TMEM25: variants seen among roughly 807,000 people sequenced by gnomAD.
The protein encoded by TMEM25 is 0610039J01Rik.
A neutral mutation model predicts 37.0 loss-of-function variants in TMEM25; 36 were observed. The observed-to-expected ratio is 0.97, with a 90% CI of 0.75 to 1.28. The LOEUF is 1.28. TMEM25 is among the 50% of genes most tolerant of loss of function. TMEM25 has a pLI of 0.00. For synonymous variants in TMEM25, 197 were observed against 203.7 expected (o/e 0.97, Z 0.28); for missense variants, 444 against 477.9 (o/e 0.93, Z 0.66).
At chr11:118,539,572 T>TGA (rs780642524), downstream of TMEM25, among the ~76,000 whole-genome samples, 8 of 152,188 alleles carry the variant, frequency 5.3e-5, no homozygotes, top group Admixed American at 1.3e-4. Context: ...TAATCTATTT[T>TGA]GAGTTGATTT....
At chr11:118,545,508 G>GA (rs782110838) in intron 8 of TMEM25, 1 of 1,597,982 alleles carries the variant, frequency 6.3e-7, no homozygotes, top group Admixed American at 1.7e-5. Flanking sequence ...AAACGAAGAA[G>GA]AACTTCCAGG....
chr11:118,542,137 C>T (rs142209382), intron 8 of TMEM25, among the ~76,000 whole-genome samples: 23 of 152,170 alleles, frequency 1.5e-4, no homozygotes, highest in African/African-American at 3.6e-4. Flanking sequence ...TTCTGGGGGC[C>T]GGGAAGTACA....
At chr11:118,537,115 T>C (rs497586), downstream of TMEM25, among the ~76,000 whole-genome samples, 7,445 of 151,696 alleles carry the variant, frequency 0.049, 587 homozygotes, top group African/African-American at 0.17. Flanking sequence ...CCGAGGCGGG[T>C]GGATTGCCTG....
In TMEM25 at chr11:118,534,503, G is replaced by T. The variant is rs373128179; in HGVS notation, c.1028-4G>T. Reference sequence around the variant, plus strand: ...AGTCCCCGCGGGCTTCTTTGATCCCGCAGGTTTCATCCGCCTCCCAGTGCT... The same window carrying T: ...AGTCCCCGCGGGCTTCTTTGATCCCTCAGGTTTCATCCGCCTCCCAGTGCT... On this transcript the variant is annotated splice_polypyrimidine_tract_variant and splice_region_variant and intron_variant, in intron 8 of 8. Transcript: ENST00000313236. This position sits in a 1 kb window ranked among gnomAD's most constrained non-coding sequence, Gnocchi z 4.6. 23 of 1,614,038 alleles carry T rather than the reference G, an allele frequency of 1.4e-5. No homozygotes were observed. The highest frequency in any genetic ancestry group is 6.7e-5 in the African/African-American group (5 of 74,934).
Position 118,545,592 on chromosome 11 carries a change from T to C in TMEM25, c.1028-527T>C, listed in dbSNP as rs1298912122. 4.4e-6 allele frequency: 5 copies of C among 1,147,304 alleles called. No individual in the cohort carries two copies. The East Asian group carries it at 1.2e-4, about 27-fold the overall frequency. The allele number at this position is 1,147,304 out of a possible 1,614,324, so 71.1% of individuals were successfully genotyped here. A position where few individuals can be genotyped will look rare whatever the true frequency, so the allele number is the denominator to read the frequency against. On this transcript the variant is annotated intron_variant, in intron 8 of 8. Transcript: ENST00000354284. ...AGGCAAAGCCCTGGCAGATGGGGTG[T>C]CGCTATGACTTTGGGGGTTAAATAC...
At position 118,545,251 on chromosome 11, in the gene TMEM25, T is replaced by C. The variant is rs1288972395; in HGVS notation, c.1028-868T>C. On this transcript the variant is annotated intron_variant, in intron 8 of 8. Coordinates refer to the TMEM25 transcript ENST00000354284. ...CTCCACTTTCCCCTTGAAAACTCCA[T>C]CCCTGCCTCCTTTGCTCTCCTAATT... 2.0e-5 allele frequency among the ~76,000 whole-genome samples: 3 copies of C among 152,030 alleles called. No homozygotes were observed. In the East Asian group the frequency reaches 5.8e-4, roughly 29 times the overall value.
chr11:118,545,992 T>C (rs1322004606), intron 8 of TMEM25: 3 of 741,424 alleles, frequency 4.0e-6, no homozygotes, highest in African/African-American at 3.5e-5. Flanking sequence ...AATTCAGATA[T>C]TGAGTTCCTA....
At chr11:118,533,377 G>C in intron 4 of TMEM25, 43 bp from the exon 5 acceptor site, 2 of 1,610,764 alleles carry the variant, frequency 1.2e-6, no homozygotes, top group Non-Finnish European at 1.7e-6. Flanking sequence ...GTTGGGGCTG[G>C]GGCACTACCC....
At chr11:118,546,272 C>T in exon 9 of TMEM25, 1 of 669,722 alleles carries the variant, frequency 1.5e-6, no homozygotes, top group Non-Finnish European at 2.7e-6. Flanking sequence ...TTGAGGTGGG[C>T]AGATCGCCTG....
chr11:118,545,622 CA>C, intron 8 of TMEM25: 1 of 1,048,394 alleles, frequency 9.5e-7, no homozygotes, highest in Admixed American at 1.9e-5. Context: ...AAATACCCAG[CA>C]GGTAGTCACA....
downstream of TMEM25, among the ~76,000 whole-genome samples, chr11:118,537,380 C>T (rs1448987053): frequency 6.6e-6 from 1 of 152,086 alleles, no homozygotes; most frequent in Non-Finnish European, 1.5e-5. Context: ...CACTCTATTG[C>T]CCAGGCTGGT....
At chr11:118,533,689 T>C in intron 5 of TMEM25, 138 bp downstream of exon 5, 2 of 1,569,998 alleles carry the variant, frequency 1.3e-6, no homozygotes, top group Non-Finnish European at 1.7e-6. Context: ...TACGGTGACA[T>C]GCATCCCAGG....
At position 118,534,741 on chromosome 11, in the gene TMEM25, A is replaced by G; in HGVS notation, c.*161A>G. The G allele has an allele frequency of 6.9e-7, 1 of 1,448,258 alleles. No individual in the cohort carries two copies. Among genetic ancestry groups the G allele is most frequent in the Non-Finnish European group, 9.1e-7 (1 of 1,100,592 alleles). 89.7% of individuals were successfully genotyped at this position (1,448,258 alleles called of 1,614,324 possible). A position where few individuals can be genotyped will look rare whatever the true frequency, so the allele number is the denominator to read the frequency against. Reference sequence around the variant, plus strand: ...GCCCTCCATGTCATGCACGTGATGCATTTCACTGGGCTGTAACCCGCAGGG... The same window carrying G: ...GCCCTCCATGTCATGCACGTGATGCGTTTCACTGGGCTGTAACCCGCAGGG... On this transcript the variant is annotated 3_prime_UTR_variant, in exon 9 of 9. Transcript: ENST00000313236. This position sits in a 1 kb window ranked among gnomAD's most constrained non-coding sequence, Gnocchi z 4.6.
At position 118,534,412 on chromosome 11, in the gene TMEM25, C is replaced by T. The variant is rs1951443250; in HGVS notation, c.1027+57C>T. The T allele has an allele frequency of 1.2e-6, 2 of 1,609,662 alleles. No homozygotes were observed. The highest frequency in any genetic ancestry group is 2.7e-5 in the African/African-American group (2 of 74,818). On this transcript the variant is annotated intron_variant, in intron 8 of 8. Transcript: ENST00000313236. This position sits in a 1 kb window ranked among gnomAD's most constrained non-coding sequence, Gnocchi z 4.6. Reference sequence around the variant, plus strand: ...TCTGCCCCCCAGCCCTGTGCTTATGCCAGAGGCCTCCAAGTGCCCAGGAGG... The same window carrying T: ...TCTGCCCCCCAGCCCTGTGCTTATGTCAGAGGCCTCCAAGTGCCCAGGAGG...
At chr11:118,542,509 C>G (rs554424731) in intron 8 of TMEM25, among the ~76,000 whole-genome samples, 1 of 152,288 alleles carries the variant, frequency 6.6e-6, no homozygotes, top group East Asian at 1.9e-4. Context: ...TGGCTCATGC[C>G]TATAATCCCA....
chr11:118,533,996 T>G lies in TMEM25; in HGVS notation c.837-33T>G, dbSNP rs782401927. On this transcript the variant is annotated intron_variant, in intron 6 of 8. Coordinates refer to ENST00000313236, the MANE Select transcript of TMEM25 (RefSeq NM_032780.4). ...CAGCCATGAGTGCCTGTGCCGGGAC[T>G]CATATCCATCCCGAACTTTGTCCTC... 7 of 1,613,552 alleles carry G rather than the reference T, an allele frequency of 4.3e-6. No individual in the cohort carries two copies. In the South Asian group the frequency reaches 6.6e-5, roughly 15 times the overall value.
chr11:118,545,814 C>G (rs1565342750), intron 8 of TMEM25: 3 of 1,614,210 alleles, frequency 1.9e-6, no homozygotes, highest in Non-Finnish European at 2.5e-6. Context: ...TCAATGTACT[C>G]TGCCAGGCTG....
rs541537470 is a variant in TMEM25 at position 118,533,148 on chromosome 11, A to G, written c.614A>G (p.Asn205Ser). ...CTGCAGCTCCGCAGCCTGGCACACA[A>G]CCTCTCGGTGGTGGCCACCAATGAC... ...VQLQLRSLAHNLSVVATNDVG... is the reference protein window; with the variant it reads ...VQLQLRSLAHSLSVVATNDVG... Residue 205 changes from asparagine (N) to serine (S), a missense_variant, in exon 4 of 9, where the codon AAC becomes AGC. Physicochemically the swap from Asn to Ser is conservative, Grantham distance 46. Coordinates refer to ENST00000313236, the MANE Select transcript of TMEM25 (RefSeq NM_032780.4). 29 of 1,606,506 alleles carry G rather than the reference A, an allele frequency of 1.8e-5. No individual in the cohort carries two copies. The South Asian group carries it at 2.8e-4, about 15-fold the overall frequency.
downstream of TMEM25, among the ~76,000 whole-genome samples, chr11:118,539,164 AT>A (rs1160816224): frequency 0.011 from 1,082 of 100,554 alleles, 3 homozygotes; most frequent in Middle Eastern, 0.032. Flanking sequence ...TTGGTCATAA[AT>A]TTTTTTTTTT....
Sources: allele counts gnomAD v4.1 joint callset (sites outside exome capture counted in the v4.1 genomes callset), GRCh38; gene constraint gnomAD v4.1.1; non-coding constraint Gnocchi (gnomAD v3.1); transcripts MANE v1.5; gene names NCBI Gene and HGNC (gene_info 2026-07-23, HGNC 2026-07-21).